MTUS2: variants seen among roughly 807,000 people sequenced by gnomAD.
MTUS2 encodes the protein microtubule associated scaffold protein 2.
Under a neutral mutation model 114.1 loss-of-function variants are expected in MTUS2, and 40 were observed. The observed-to-expected ratio is 0.35, with a 90% confidence interval of 0.27 to 0.46. MTUS2 has a LOEUF of 0.46. Among genes scored for constraint, MTUS2 ranks in the 20% least tolerant of loss-of-function variants. MTUS2 has a pLI of 1.00. For missense variants in MTUS2, 1,679 were observed against 1,705.4 expected, an observed-to-expected ratio of 0.98 and a Z score of 0.27; for synonymous variants, 688 against 672.0, an observed-to-expected ratio of 1.02 and a Z score of -0.37.
At chr13:29,437,792 C>T (rs1877523756) in intron 8 of MTUS2, among the ~76,000 whole-genome samples, 1 of 151,946 alleles carries the variant, frequency 6.6e-6, no homozygotes, top group Non-Finnish European at 1.5e-5. Flanking sequence ...ACTAAAAATA[C>T]AGAAAATTAG....
In MTUS2 at chr13:29,324,623, A is replaced by G. The variant is rs780339223; in HGVS notation, c.2817A>G (p.Lys939=). 7 of 1,581,796 alleles carry G rather than the reference A, an allele frequency of 4.4e-6. No individual in the cohort carries two copies. The highest frequency in any genetic ancestry group is 1.8e-5 in the Admixed American group (1 of 54,940). The change falls in exon 7 of 16, where the codon AAA becomes AAG. Residue 939 remains lysine, a synonymous_variant. Coordinates refer to ENST00000612955, the MANE Select transcript of MTUS2 (RefSeq NM_001033602.4). ...KSTSTPAGTK[K]DAQKDQDTNK... ...TCCAACTATACACAGGAACAAAGAAAGATGCTCAGAAAGATCAAGATACGA... is the reference window on the plus strand; with the variant it reads ...TCCAACTATACACAGGAACAAAGAAGGATGCTCAGAAAGATCAAGATACGA...
At chr13:28,957,969 G>A (rs540860308) in intron 2 of MTUS2, among the ~76,000 whole-genome samples, 36 of 152,332 alleles carry the variant, frequency 2.4e-4, no homozygotes, top group African/African-American at 8.7e-4. Context: ...GACCTTTAAT[G>A]AATTACTAGC....
chr13:29,345,573 T>A (rs1335537370), intron 7 of MTUS2, among the ~76,000 whole-genome samples: 1 of 151,990 alleles, frequency 6.6e-6, no homozygotes, highest in Non-Finnish European at 1.5e-5. Flanking sequence ...CCTATAACAT[T>A]GTTTTTTAAG....
At chr13:29,126,815 G>C (rs949295271) in intron 5 of MTUS2, among the ~76,000 whole-genome samples, 2 of 152,106 alleles carry the variant, frequency 1.3e-5, no homozygotes, top group African/African-American at 4.8e-5. Context: ...TCAGGAGCTG[G>C]GAGACCTTGG....
chr13:28,917,734 T>C (rs1348495628), intron 2 of MTUS2, among the ~76,000 whole-genome samples: 1 of 151,918 alleles, frequency 6.6e-6, no homozygotes, highest in African/African-American at 2.4e-5. Context: ...TATTTCGCTT[T>C]AATCTTTGTT....
At chr13:28,932,889 G>GATGAT (rs1344156843) in intron 2 of MTUS2, among the ~76,000 whole-genome samples, 1 of 152,044 alleles carries the variant, frequency 6.6e-6, no homozygotes, top group Admixed American at 6.6e-5. Flanking sequence ...ACTCTTAGAA[G>GATGAT]ATGATATGAT....
intron 2 of MTUS2, among the ~76,000 whole-genome samples, chr13:28,895,472 TATTA>T (rs1879209548): frequency 6.6e-6 from 1 of 152,238 alleles, no homozygotes. Context: ...AACTCCCCAA[TATTA>T]ATTCAGACAA....
chr13:29,411,258 C>T (rs1309895522), intron 8 of MTUS2, among the ~76,000 whole-genome samples: 2 of 152,174 alleles, frequency 1.3e-5, no homozygotes, highest in African/African-American at 2.4e-5. Flanking sequence ...TGTTCCGGGG[C>T]ACAAGGTGTA....
intron 6 of MTUS2, among the ~76,000 whole-genome samples, chr13:29,296,617 T>G (rs913701020): frequency 6.6e-6 from 1 of 152,152 alleles, no homozygotes; most frequent in Non-Finnish European, 1.5e-5. Flanking sequence ...GTTTGTTACT[T>G]TTTGTCTTTT....
At chr13:28,842,083 A>C (rs2137991453) in intron 2 of MTUS2, among the ~76,000 whole-genome samples, 1 of 152,290 alleles carries the variant, frequency 6.6e-6, no homozygotes, top group South Asian at 2.1e-4. Flanking sequence ...AAGCACAGAA[A>C]CATGATCGAT....
At chr13:28,841,747 C>T (rs528862722) in intron 2 of MTUS2, among the ~76,000 whole-genome samples, 11 of 151,734 alleles carry the variant, frequency 7.2e-5, no homozygotes, top group Middle Eastern at 3.4e-3. Context: ...AGTGCAGCGG[C>T]GTGATCTCCG....
chr13:29,038,116 C>T (rs2138539783), intron 4 of MTUS2, among the ~76,000 whole-genome samples: 1 of 152,268 alleles, frequency 6.6e-6, no homozygotes, highest in South Asian at 2.1e-4. Flanking sequence ...AATTTTCAGC[C>T]TTTTTGTGCT....
chr13:29,453,287 C>T (rs1454115071), intron 9 of MTUS2, among the ~76,000 whole-genome samples: 1 of 152,186 alleles, frequency 6.6e-6, no homozygotes, highest in Admixed American at 6.5e-5. Context: ...CAAACATAAT[C>T]GACTCAGTTG....
intron 8 of MTUS2, among the ~76,000 whole-genome samples, chr13:29,376,974 A>G (rs1566164877): frequency 6.6e-6 from 1 of 152,298 alleles, no homozygotes; most frequent in East Asian, 1.9e-4. Context: ...TGGAGTAGCT[A>G]TATTCATAGA....
intron 5 of MTUS2, among the ~76,000 whole-genome samples, chr13:29,162,024 T>G (rs1413819241): frequency 6.6e-6 from 1 of 152,196 alleles, no homozygotes; most frequent in Non-Finnish European, 1.5e-5. Context: ...ACACTTGACA[T>G]CTACATCTCC....
At chr13:28,929,991 C>T (rs186508477) in intron 2 of MTUS2, among the ~76,000 whole-genome samples, 2 of 152,182 alleles carry the variant, frequency 1.3e-5, no homozygotes, top group African/African-American at 4.8e-5. Context: ...GGCCTGAGGA[C>T]ATGGAGATGT....
At chr13:29,214,475 A>T (rs544068106) in intron 5 of MTUS2, among the ~76,000 whole-genome samples, 1 of 152,260 alleles carries the variant, frequency 6.6e-6, no homozygotes, top group Non-Finnish European at 1.5e-5. Flanking sequence ...ACATTTTGGT[A>T]TATTTTTGCA....
At chr13:28,982,793 C>A (rs1256688791) in intron 2 of MTUS2, among the ~76,000 whole-genome samples, 7 of 152,168 alleles carry the variant, frequency 4.6e-5, no homozygotes, top group Non-Finnish European at 8.8e-5. Flanking sequence ...AAGACAAATA[C>A]TATGTGATTC....
intron 2 of MTUS2, among the ~76,000 whole-genome samples, chr13:28,876,112 T>C (rs1877913182): frequency 6.6e-6 from 1 of 152,232 alleles, no homozygotes; most frequent in Admixed American, 6.5e-5. Context: ...CTTTTCCTCT[T>C]CTTGGAAGTT....
Sources: gnomAD v4.1 joint callset for allele counts (sites outside exome capture counted in the v4.1 genomes callset) on GRCh38, gnomAD v4.1.1 for gene constraint, MANE v1.5 for transcripts, NCBI Gene and HGNC (gene_info 2026-07-23, HGNC 2026-07-21) for gene names.